The following LIN54 variants were observed in gnomAD, a reference collection of about 807,000 sequenced individuals.
LIN54 encodes the protein lin-54 DREAM MuvB core complex component.
LIN54 carries 9 observed loss-of-function variants against 78.7 expected under a neutral mutation model. That is an observed-to-expected ratio of 0.11 (90% CI 0.07 to 0.20). The LOEUF is 0.20. Ranked by LOEUF, LIN54 falls within the 10% of genes least tolerant of loss-of-function variation. LIN54 has a pLI of 1.00. For synonymous variants in LIN54, 269 were observed against 318.4 expected, an observed-to-expected ratio of 0.84 and a Z score of 1.65; for missense variants, 573 against 889.9, an observed-to-expected ratio of 0.64 and a Z score of 4.53.
chr4:82,962,763 T>TA (rs1724907348), intron 4 of LIN54, among the ~76,000 whole-genome samples: 1 of 150,412 alleles, frequency 6.6e-6, no homozygotes, highest in South Asian at 2.1e-4. Flanking sequence ...AATTTAAAGA[T>TA]ATGTCAATCA....
In LIN54 at chr4:82,927,644, G is replaced by C. The variant is rs1578470927; in HGVS notation, c.*458C>G. The C allele has an allele frequency of 6.5e-6, 1 of 153,486 alleles. No individual in the cohort carries two copies. 9.5% of individuals were successfully genotyped at this position (153,486 alleles called of 1,614,324 possible). A position where few individuals can be genotyped will look rare whatever the true frequency, so the allele number is the denominator to read the frequency against. ...GATAGTCCTTTTCTAAATACAAAATGTCATTTGAATGTGTTTCATAAGAAT... is the reference window on the plus strand; with the variant it reads ...GATAGTCCTTTTCTAAATACAAAATCTCATTTGAATGTGTTTCATAAGAAT... On this transcript the variant is annotated 3_prime_UTR_variant, in exon 13 of 13. Transcript: ENST00000340417.
upstream of LIN54, chr4:83,011,939 C>G (rs1020202698): frequency 5.7e-6 from 4 of 700,944 alleles, no homozygotes; most frequent in Non-Finnish European, 7.0e-6. Context: ...AGGCTGCGAA[C>G]AGGGCCACTC....
chr4:82,982,679 G>A (rs1311872171), intron 2 of LIN54, among the ~76,000 whole-genome samples: 1 of 152,190 alleles, frequency 6.6e-6, no homozygotes, highest in Non-Finnish European at 1.5e-5. Context: ...AAAATAAGAA[G>A]TAAAAGGAAG....
At position 82,974,103 on chromosome 4, in the gene LIN54, G is replaced by A. The variant is rs552780584; in HGVS notation, c.809-3634C>T. Among the ~76,000 whole-genome samples, 13 of 152,110 alleles carry A rather than the reference G, an allele frequency of 8.5e-5. No homozygotes were observed. In the South Asian group the frequency reaches 1.9e-3, roughly 22 times the overall value. ...CAGGCACCTGTAGTCCCAGCTACTTGGGAGGCTGAGGCAAGAGAATGGCGT... is the reference window on the plus strand; with the variant it reads ...CAGGCACCTGTAGTCCCAGCTACTTAGGAGGCTGAGGCAAGAGAATGGCGT... On this transcript the variant is annotated intron_variant, in intron 3 of 12. Coordinates refer to ENST00000340417, the MANE Select transcript of LIN54 (RefSeq NM_194282.4).
intron 11 of LIN54, among the ~76,000 whole-genome samples, chr4:82,933,526 A>G (rs1174018330): frequency 6.6e-6 from 1 of 152,228 alleles, no homozygotes; most frequent in Non-Finnish European, 1.5e-5. Flanking sequence ...AACCAACAGG[A>G]TTAAAAAGCC....
intron 3 of LIN54, among the ~76,000 whole-genome samples, chr4:82,975,313 G>A (rs1037061566): frequency 1.3e-5 from 2 of 151,602 alleles, no homozygotes; most frequent in Non-Finnish European, 2.9e-5. Context: ...TCCAGCCTGG[G>A]TGACAGAGTG....
chr4:82,984,568 G>T lies in LIN54; in HGVS notation c.277C>A (p.Pro93Thr), dbSNP rs1251798169. ...TTTTGAAGGCCACTTGGAAAAGCTG[G>T]TTTCACTGTGGTATTAGAATCTGCT... ...TKADSNTTVKPAFPSGLQKLG... is the reference protein window; with the variant it reads ...TKADSNTTVKTAFPSGLQKLG... Residue 93 changes from proline (P) to threonine (T), a missense_variant, in exon 2 of 13, where the codon CCA (proline) becomes ACA (threonine). Physicochemically the swap from Pro to Thr is conservative, Grantham distance 38. This residue lies in a region of LIN54 where 183 missense variants were observed against 228.4 expected (regional missense o/e 0.80). Coordinates refer to ENST00000340417, the MANE Select transcript of LIN54 (RefSeq NM_194282.4). 7 of 1,614,056 alleles carry T rather than the reference G, an allele frequency of 4.3e-6. No individual in the cohort carries two copies. In the South Asian group the frequency reaches 5.5e-5, roughly 13 times the overall value.
intron 4 of LIN54, among the ~76,000 whole-genome samples, chr4:82,960,440 C>T: frequency 6.9e-6 from 1 of 145,830 alleles, no homozygotes; most frequent in South Asian, 2.2e-4. Flanking sequence ...CTCAATTGTC[C>T]TTTTTTTTTT....
At chr4:82,968,608 C>T (rs551821094) in intron 4 of LIN54, among the ~76,000 whole-genome samples, 105 of 152,250 alleles carry the variant, frequency 6.9e-4, no homozygotes, top group Non-Finnish European at 1.2e-3. Flanking sequence ...CTGGCCTACA[C>T]TTTTAAAAGA....
At chr4:83,004,808 T>C (rs1729207072) in intron 1 of LIN54, among the ~76,000 whole-genome samples, 1 of 152,118 alleles carries the variant, frequency 6.6e-6, no homozygotes, top group Non-Finnish European at 1.5e-5. Flanking sequence ...CCAAAGATTG[T>C]TTAAGCAAAA....
intron 5 of LIN54, among the ~76,000 whole-genome samples, chr4:82,942,039 C>CT (rs1209169981): frequency 2.6e-5 from 4 of 152,138 alleles, no homozygotes; most frequent in Non-Finnish European, 5.9e-5. Context: ...AAAGTAAGGC[C>CT]TGGAGCCTGG....
At chr4:83,006,545 T>C (rs1729388974) in intron 1 of LIN54, among the ~76,000 whole-genome samples, 2 of 151,450 alleles carry the variant, frequency 1.3e-5, no homozygotes, top group East Asian at 1.9e-4. Flanking sequence ...CTCAGCATCA[T>C]GCAATAATAC....
intron 4 of LIN54, among the ~76,000 whole-genome samples, chr4:82,953,265 C>T (rs1279479662): frequency 6.6e-6 from 1 of 152,172 alleles, no homozygotes; most frequent in Non-Finnish European, 1.5e-5. Flanking sequence ...CTGGGGATTA[C>T]AGGCTTGTGC....
intron 4 of LIN54, among the ~76,000 whole-genome samples, chr4:82,964,395 G>A (rs4693533): frequency 0.43 from 65,356 of 152,034 alleles, 16,913 homozygotes; most frequent in Admixed American, 0.58. Flanking sequence ...ATTCAGACCT[G>A]CAGTAGAATT....
chr4:82,929,801 A>G (rs528776979), intron 12 of LIN54, among the ~76,000 whole-genome samples: 75 of 152,182 alleles, frequency 4.9e-4, no homozygotes, highest in Non-Finnish European at 9.4e-4. Context: ...GTGAGACTCT[A>G]TCTCAAAAAG....
At position 82,931,017 on chromosome 4, in the gene LIN54, G is replaced by C. The variant is rs1467783135; in HGVS notation, c.1974C>G (p.Ala658=). ...AAATTTGAGAGGATAACTTCGTCTT[G>C]GCTGCTGTTTGTTGCTGTACCCTTA... ...AEVRVQQQTA[A]KTKLSSQISD... is the part of the protein sequence containing the mutation. The change falls in exon 12 of 13, where the codon GCC becomes GCG. Residue 658 remains alanine (A), a synonymous_variant. Coordinates refer to ENST00000340417, the MANE Select transcript of LIN54 (RefSeq NM_194282.4). 1 of 1,614,178 alleles carries C rather than the reference G, an allele frequency of 6.2e-7. No homozygotes were observed. Among genetic ancestry groups the C allele is most frequent in the South Asian group, 1.1e-5 (1 of 91,088 alleles).
At chr4:82,928,721 G>C (rs148832164) in intron 12 of LIN54, among the ~76,000 whole-genome samples, 179 of 152,272 alleles carry the variant, frequency 1.2e-3, no homozygotes, top group African/African-American at 4.2e-3. Context: ...ATGAATAGTT[G>C]CTGAATGAAT....
At chr4:82,937,976 T>C (rs1722526196) in intron 8 of LIN54, among the ~76,000 whole-genome samples, 1 of 151,712 alleles carries the variant, frequency 6.6e-6, no homozygotes, top group Non-Finnish European at 1.5e-5. Flanking sequence ...ACAAAAAAAT[T>C]TAAAAATTAG....
intron 12 of LIN54, among the ~76,000 whole-genome samples, chr4:82,929,532 T>C (rs1286746677): frequency 1.3e-5 from 2 of 152,100 alleles, no homozygotes; most frequent in Admixed American, 6.6e-5. Context: ...AGGCCAGGCA[T>C]GGTAGCTCAT....
Sources: allele counts gnomAD v4.1 joint callset (sites outside exome capture counted in the v4.1 genomes callset), GRCh38; gene constraint gnomAD v4.1.1; regional missense constraint gnomAD v4.1.1; transcripts MANE v1.5; gene names NCBI Gene and HGNC (gene_info 2026-07-23, HGNC 2026-07-21).